The following BTBD10 variants were observed in gnomAD, a reference collection of about 807,000 sequenced individuals.
The protein encoded by BTBD10 is BTB domain containing 10, also known as BTB/POZ domain-containing protein 10.
In BTBD10, 21 loss-of-function variants were observed where a neutral mutation model predicts 53.2. The observed-to-expected ratio is 0.39, with a 90% CI of 0.28 to 0.57. The LOEUF is 0.57. BTBD10 is among the 20% of genes least tolerant of loss of function. BTBD10 has a pLI of 0.53. For synonymous variants in BTBD10, 149 were observed against 192.7 expected (o/e 0.77, Z 1.88); for missense variants, 360 against 594.7 (o/e 0.61, Z 4.10).
At chr11:13,441,608 A>G (rs958263571) in intron 2 of BTBD10, among the ~76,000 whole-genome samples, 13 of 152,248 alleles carry the variant, frequency 8.5e-5, no homozygotes, top group South Asian at 4.1e-4. Context: ...TGTTACTTTT[A>G]TAAATCAAAT....
At chr11:13,416,034 T>C (rs1950100207) in intron 5 of BTBD10, among the ~76,000 whole-genome samples, 2 of 151,318 alleles carry the variant, frequency 1.3e-5, no homozygotes, top group Admixed American at 1.3e-4. Context: ...AAAAAACAGT[T>C]AAAACCTCAA....
chr11:13,399,194 T>C (rs1380783528), intron 8 of BTBD10, among the ~76,000 whole-genome samples: 3 of 152,232 alleles, frequency 2.0e-5, no homozygotes, highest in Non-Finnish European at 2.9e-5. Flanking sequence ...CAATGAGACG[T>C]AGATTTGGTC....
At chr11:13,408,358 T>C (rs1311431205) in intron 6 of BTBD10, among the ~76,000 whole-genome samples, 1 of 152,218 alleles carries the variant, frequency 6.6e-6, no homozygotes, top group Admixed American at 6.5e-5. Context: ...TCATGACTTG[T>C]ACTATCCTTA....
intron 2 of BTBD10, among the ~76,000 whole-genome samples, chr11:13,437,837 A>G (rs1422432033): frequency 1.3e-5 from 2 of 152,166 alleles, no homozygotes; most frequent in Non-Finnish European, 2.9e-5. Context: ...ATCTTTTAGC[A>G]GTTCTTTTAT....
intron 3 of BTBD10, among the ~76,000 whole-genome samples, chr11:13,421,000 C>G (rs1950231675): frequency 6.6e-6 from 1 of 152,096 alleles, no homozygotes; most frequent in South Asian, 2.1e-4. Context: ...GAAACTATTG[C>G]TGCATATACT....
intron 2 of BTBD10, among the ~76,000 whole-genome samples, chr11:13,430,186 T>C (rs1238185397): frequency 6.6e-6 from 1 of 152,138 alleles, no homozygotes; most frequent in African/African-American, 2.4e-5. Flanking sequence ...ATGTATCTGA[T>C]AGAGGACTGA....
At position 13,432,029 on chromosome 11, in the gene BTBD10, TA is replaced by T. The variant is rs934659329; in HGVS notation, c.102-10192del. On this transcript the variant is annotated intron_variant, in intron 2 of 8. Coordinates refer to ENST00000278174, the MANE Select transcript of BTBD10 (RefSeq NM_032320.7). ...ATACCATAGAATATTATTCAGCAAT[TA>T]AAAAAAAAACTATTGATATCTGCAA... Among the ~76,000 whole-genome samples, 57 of 148,556 alleles carry T rather than the reference TA, an allele frequency of 3.8e-4. No homozygotes were observed. The South Asian group carries it at 6.1e-3, about 16-fold the overall frequency.
intron 3 of BTBD10, 76 bp from the exon 4 acceptor site, chr11:13,419,821 GT>G (rs1447198353): frequency 9.5e-6 from 12 of 1,264,298 alleles, no homozygotes; most frequent in African/African-American, 1.6e-5. Context: ...CTTTTTAAAT[GT>G]TTGATTTATA....
intron 1 of BTBD10, among the ~76,000 whole-genome samples, chr11:13,462,450 G>A (rs1454422897): frequency 1.3e-5 from 2 of 152,156 alleles, no homozygotes; most frequent in Non-Finnish European, 2.9e-5. Flanking sequence ...GGAGAAGCAG[G>A]AAATCTGTGA....
rs538500784 is a variant in BTBD10 at position 13,458,147 on chromosome 11, A to C, written c.-58+4945T>G. Among the ~76,000 whole-genome samples, 285 of 151,788 alleles carry C rather than the reference A, an allele frequency of 1.9e-3. 1 individual carries two copies. In the Middle Eastern group the frequency reaches 0.021, roughly 11 times the overall value. ...TGAGACTCCATCTCAAAAAAAAAAA[A>C]AAAAAAAAAAACTGTTCCAGTCTAC... On this transcript the variant is annotated intron_variant, in intron 1 of 8. Transcript: ENST00000278174.
intron 1 of BTBD10, among the ~76,000 whole-genome samples, chr11:13,454,178 A>G (rs307207): frequency 0.22 from 33,516 of 152,156 alleles, 4,503 homozygotes; most frequent in East Asian, 0.51. Context: ...GTTGTCTTAA[A>G]AGAATACTGT....
At chr11:13,449,550 TC>T (rs1339922703) in intron 1 of BTBD10, among the ~76,000 whole-genome samples, 1 of 152,162 alleles carries the variant, frequency 6.6e-6, no homozygotes, top group African/African-American at 2.4e-5. Flanking sequence ...CTTTTAAACC[TC>T]AGCCATCTTG....
intron 8 of BTBD10, among the ~76,000 whole-genome samples, chr11:13,396,041 T>A (rs970933902): frequency 6.6e-6 from 1 of 152,282 alleles, no homozygotes; most frequent in South Asian, 2.1e-4. Context: ...TGGTTCCATA[T>A]GAACTTTAAA....
At chr11:13,420,932 C>CA (rs1950230529) in intron 3 of BTBD10, among the ~76,000 whole-genome samples, 1 of 152,166 alleles carries the variant, frequency 6.6e-6, no homozygotes, top group South Asian at 2.1e-4. Flanking sequence ...GAAACATTGA[C>CA]AACTTCTCTC....
chr11:13,461,823 T>G (rs190032382), intron 1 of BTBD10, among the ~76,000 whole-genome samples: 1 of 152,288 alleles, frequency 6.6e-6, no homozygotes, highest in African/African-American at 2.4e-5. Context: ...GAAACTTCCT[T>G]CCTACTTTGT....
intron 1 of BTBD10, among the ~76,000 whole-genome samples, chr11:13,457,494 G>A (rs1050755811): frequency 5.9e-5 from 9 of 152,168 alleles, no homozygotes; most frequent in African/African-American, 2.2e-4. Context: ...GGTAGGTACA[G>A]AACAAGCAGT....
chr11:13,417,902 A>T (rs1950154060), intron 4 of BTBD10, among the ~76,000 whole-genome samples: 1 of 152,184 alleles, frequency 6.6e-6, no homozygotes, highest in South Asian at 2.1e-4. Flanking sequence ...TTATGTAAGA[A>T]AATACAAATG....
intron 8 of BTBD10, among the ~76,000 whole-genome samples, chr11:13,392,656 A>AT (rs1244908627): frequency 6.6e-6 from 1 of 152,090 alleles, no homozygotes; most frequent in Non-Finnish European, 1.5e-5. Flanking sequence ...GAGGTTCTGT[A>AT]TATAGGTGAA....
intron 2 of BTBD10, among the ~76,000 whole-genome samples, chr11:13,433,498 T>C (rs571487713): frequency 2.6e-5 from 4 of 152,336 alleles, no homozygotes; most frequent in Admixed American, 2.0e-4. Flanking sequence ...GATCCTCTGT[T>C]TCGGTTTTTT....
Sources: gnomAD v4.1 joint callset for allele counts (sites outside exome capture counted in the v4.1 genomes callset) on GRCh38, gnomAD v4.1.1 for gene constraint, MANE v1.5 for transcripts, NCBI Gene and HGNC (gene_info 2026-07-23, HGNC 2026-07-21) for gene names.